BCL11B: variants seen among roughly 807,000 people sequenced by gnomAD.
BCL11B encodes B-cell lymphoma/leukemia 11B.
A neutral mutation model predicts 49.9 loss-of-function variants in BCL11B; 8 were observed. The ratio of observed to expected loss-of-function variants is 0.16; its 90% CI spans 0.09 to 0.29. The LOEUF (loss-of-function observed/expected upper bound fraction) is 0.29, where lower values mean the gene tolerates loss of function less well. Ranked by LOEUF, BCL11B falls within the 10% of genes least tolerant of loss-of-function variation. The probability of loss-of-function intolerance (pLI) is 1.00; values close to 1 mark genes in which losing one functional copy is unlikely to be tolerated. For synonymous variants in BCL11B, 739 were observed against 637.4 expected (o/e 1.16, Z -2.40); for missense variants, 1,006 against 1,351.0 (o/e 0.74, Z 4.00).
intron 3 of BCL11B, among the ~76,000 whole-genome samples, chr14:99,180,650 G>A (rs1886674084): frequency 6.6e-6 from 1 of 152,170 alleles, no homozygotes; most frequent in South Asian, 2.1e-4. Context: ...ATGAGCTCCT[G>A]TATGTGGGCA....
Position 99,213,559 on chromosome 14 carries a change from G to A in BCL11B, c.640+17786C>T, listed in dbSNP as rs576434193. The stretch of plus-strand genomic sequence containing the variant: ...CTAAGAAACACTCATTTTACTCCAC[G>A]GGCAATGGTAAGTCCTACTACCCCA... On this transcript the variant is annotated intron_variant, in intron 3 of 3. Transcript: ENST00000357195. The surrounding 1 kb of genome is among the most constrained non-coding windows in gnomAD (Gnocchi z 5.1). 6.6e-6 allele frequency among the ~76,000 whole-genome samples: 1 copy of A among 152,234 alleles called. No homozygotes were observed. The highest frequency in any genetic ancestry group is 1.5e-5 in the Non-Finnish European group (1 of 68,016).
At chr14:99,267,129 G>A (rs987951122) in intron 1 of BCL11B, among the ~76,000 whole-genome samples, 4 of 151,976 alleles carry the variant, frequency 2.6e-5, no homozygotes, top group African/African-American at 4.8e-5. Context: ...ACCCAGCCTC[G>A]ATGTCTCTAA....
At position 99,175,408 on chromosome 14, in the gene BCL11B, C is replaced by A. The variant is rs777712874; in HGVS notation, c.1428G>T (p.Thr476=). Reference sequence around the variant, plus strand: ...CCAGCGAGCCGGCCTTGTGCATGTGCGTCTTCATGTGGCGCTTGAGCTTGC... The same window carrying A: ...CCAGCGAGCCGGCCTTGTGCATGTGAGTCTTCATGTGGCGCTTGAGCTTGC... The part of the protein sequence containing the change: ...QASKLKRHMK[T]HMHKAGSLAG... Residue 476 remains threonine, a synonymous_variant, in exon 4 of 4, where the codon ACG becomes ACT. Transcript: ENST00000357195. 1.2e-6 allele frequency: 2 copies of A among 1,607,538 alleles called. No individual in the cohort carries two copies. The highest frequency in any genetic ancestry group is 2.7e-5 in the African/African-American group (2 of 74,452).
chr14:99,240,134 T>G (rs1440805218), intron 2 of BCL11B, among the ~76,000 whole-genome samples: 1 of 151,966 alleles, frequency 6.6e-6, no homozygotes, highest in Non-Finnish European at 1.5e-5. Flanking sequence ...GTTTCTTGTT[T>G]CAGATGGAAC....
rs762061207 is a variant in BCL11B at position 99,175,504 on chromosome 14, C to A, written c.1332G>T (p.Val444=). 3.7e-6 allele frequency: 6 copies of A among 1,609,852 alleles called. No individual in the cohort carries two copies. The highest frequency in any genetic ancestry group is 5.1e-6 in the Non-Finnish European group (6 of 1,178,044). The change falls in exon 4 of 4, where the codon GTG becomes GTT. Residue 444 remains valine (V), a synonymous_variant. Transcript: ENST00000357195. ...TCTCGCCCGTGTGACTGCGCCGGTG[C>A]ACGATGAGATTGCTCTGGAACTTGA... ...KTFKFQSNLI[V]HRRSHTGEKP... is the part of the protein sequence containing the mutation.
At chr14:99,268,958 G>A (rs191981626) in intron 1 of BCL11B, among the ~76,000 whole-genome samples, 111 of 152,222 alleles carry the variant, frequency 7.3e-4, no homozygotes, top group African/African-American at 2.6e-3. Context: ...GCTGCACCAG[G>A]CACCCCTCAC....
chr14:99,188,094 C>T (rs1007627276), intron 3 of BCL11B, among the ~76,000 whole-genome samples: 5 of 152,220 alleles, frequency 3.3e-5, no homozygotes, highest in South Asian at 2.1e-4. Context: ...AAAAGTGTTC[C>T]GGTCTGCGGG....
intron 3 of BCL11B, among the ~76,000 whole-genome samples, chr14:99,216,831 T>TCA (rs955285071): frequency 1.3e-5 from 2 of 151,918 alleles, no homozygotes; most frequent in Non-Finnish European, 2.9e-5. Flanking sequence ...ACATACATGC[T>TCA]CACACACAAA....
At chr14:99,204,198 T>A (rs2793319) in intron 3 of BCL11B, among the ~76,000 whole-genome samples, 28,074 of 152,040 alleles carry the variant, frequency 0.18, 3,976 homozygotes, top group East Asian at 0.46. Context: ...TGAACCCATC[T>A]CTGGGCAGGT....
rs1034507233 is a variant in BCL11B at position 99,257,727 on chromosome 14, G to A, written c.171C>T (p.Thr57=). 3 of 1,612,222 alleles carry A rather than the reference G, an allele frequency of 1.9e-6. No homozygotes were observed. Among genetic ancestry groups the A allele is most frequent in the Non-Finnish European group, 2.5e-6 (3 of 1,178,738 alleles). Residue 57 remains threonine, a synonymous_variant, in exon 2 of 4, where the codon ACC becomes ACT. Coordinates refer to ENST00000357195, the MANE Select transcript of BCL11B (RefSeq NM_138576.4). This position sits in a 1 kb window ranked among gnomAD's most constrained non-coding sequence, Gnocchi z 6.2. ...GGAAGTTCATTTGACACTGGCCACA[G>A]GTGAGCAGGTCAGGGTCGGGGCCAC... ...MVGGPDPDLL[T]CGQCQMNFPL...
intron 3 of BCL11B, among the ~76,000 whole-genome samples, chr14:99,179,127 G>C (rs1035458654): frequency 2.0e-5 from 3 of 152,232 alleles, no homozygotes; most frequent in African/African-American, 7.2e-5. Flanking sequence ...CTGGAAGTCA[G>C]GTAGCTACAA....
rs574484171 is a variant in BCL11B at position 99,207,185 on chromosome 14, A to G, written c.640+24160T>C. Among the ~76,000 whole-genome samples the G allele has an allele frequency of 2.9e-4, 44 of 152,250 alleles. No individual in the cohort carries two copies. In the East Asian group the frequency reaches 8.3e-3, roughly 29 times the overall value. On this transcript the variant is annotated intron_variant, in intron 3 of 3. Coordinates refer to ENST00000357195, the MANE Select transcript of BCL11B (RefSeq NM_138576.4). ...TTGATTGTATGATTCTCATTCTTTCACCATCATTTTAATGCTTCTATTACT... is the reference window on the plus strand; with the variant it reads ...TTGATTGTATGATTCTCATTCTTTCGCCATCATTTTAATGCTTCTATTACT...
chr14:99,247,430 A>T lies in BCL11B; in HGVS notation c.427+10041T>A, dbSNP rs1888880102. Among the ~76,000 whole-genome samples the T allele has an allele frequency of 6.6e-6, 1 of 152,146 alleles. No homozygotes were observed. The highest frequency in any genetic ancestry group is 6.5e-5 in the Admixed American group (1 of 15,288). On this transcript the variant is annotated intron_variant, in intron 2 of 3. Coordinates refer to ENST00000357195, the MANE Select transcript of BCL11B (RefSeq NM_138576.4). This position sits in a 1 kb window ranked among gnomAD's most constrained non-coding sequence, Gnocchi z 4.5. ...GCTGAAGGTGGCAGGGAGTCACTGA[A>T]GGTTTGTCCCATTTTCTCCCGAACA...
At chr14:99,230,791 C>A (rs928097442) in intron 3 of BCL11B, among the ~76,000 whole-genome samples, 1 of 152,040 alleles carries the variant, frequency 6.6e-6, no homozygotes, top group Non-Finnish European at 1.5e-5. Flanking sequence ...ACCCCTCACA[C>A]ACCTCACAGT....
chr14:99,221,749 A>G (rs1010155522), intron 3 of BCL11B, among the ~76,000 whole-genome samples: 7 of 152,272 alleles, frequency 4.6e-5, no homozygotes, highest in African/African-American at 7.2e-5. Flanking sequence ...TCACCTGTGA[A>G]CTACAAGAGA....
At chr14:99,217,530 A>G (rs573641301) in intron 3 of BCL11B, among the ~76,000 whole-genome samples, 4 of 152,308 alleles carry the variant, frequency 2.6e-5, no homozygotes, top group African/African-American at 9.6e-5. Context: ...AAAGCCGTGG[A>G]ATGTTTTCCC....
intron 1 of BCL11B, among the ~76,000 whole-genome samples, chr14:99,259,506 G>A (rs746680337): frequency 2.4e-4 from 36 of 152,186 alleles, no homozygotes; most frequent in Admixed American, 1.4e-3. Context: ...CGTAGGTATC[G>A]CTGAGAAGAG....
chr14:99,190,915 G>C (rs1246235241), intron 3 of BCL11B, among the ~76,000 whole-genome samples: 1 of 151,734 alleles, frequency 6.6e-6, no homozygotes, highest in Non-Finnish European at 1.5e-5. Flanking sequence ...CACGGGGGGG[G>C]TCACCCTCAA....
Position 99,257,133 on chromosome 14 carries a change from A to G in BCL11B, c.427+338T>C, listed in dbSNP as rs188724625. ...TAACCCAAAACTGTCTGGCTTCAAA[A>G]TCAGGGACTAAGCCAAGATCAGTAG... On this transcript the variant is annotated intron_variant, in intron 2 of 3. Coordinates refer to ENST00000357195, the MANE Select transcript of BCL11B (RefSeq NM_138576.4). The surrounding 1 kb of genome is among the most constrained non-coding windows in gnomAD (Gnocchi z 6.2). Among the ~76,000 whole-genome samples the G allele has an allele frequency of 1.3e-5, 2 of 152,164 alleles. No individual in the cohort carries two copies. The highest frequency in any genetic ancestry group is 1.5e-5 in the Non-Finnish European group (1 of 68,028).
Sources: allele counts gnomAD v4.1 joint callset (sites outside exome capture counted in the v4.1 genomes callset), GRCh38; gene constraint gnomAD v4.1.1; non-coding constraint Gnocchi (gnomAD v3.1); transcripts MANE v1.5; gene names NCBI Gene and HGNC (gene_info 2026-07-23, HGNC 2026-07-21).